Variants in EBF2 observed in about 807,000 individuals in gnomAD.
EBF2 encodes EBF transcription factor 2.
EBF2 carries 21 observed loss-of-function variants against 72.8 expected under a neutral mutation model. The ratio of observed to expected loss-of-function variants is 0.29; its 90% CI spans 0.20 to 0.42. The LOEUF (loss-of-function observed/expected upper bound fraction) is 0.42. Among genes scored for constraint, EBF2 ranks in the 10% least tolerant of loss-of-function variants. EBF2 has a pLI of 1.00. For synonymous variants in EBF2, 299 were observed against 274.2 expected (o/e 1.09, Z -0.89); for missense variants, 637 against 731.2 (o/e 0.87, Z 1.49).
In EBF2 at chr8:25,850,638, G is replaced by T; in HGVS notation, c.1652C>A (p.Ser551Tyr). Residue 551 changes from serine to tyrosine, a missense_variant, in exon 15 of 16, where the codon TCC (serine) becomes TAC (tyrosine). Transcript: ENST00000520164. The part of the protein sequence containing the change: ...AFAPVIRPQG[S>Y]PSPACSSGNG... ...GCCGCTGGAGCAGGCAGGTGAAGGG[G>T]AGCCTTGGGGCCTGATGACAGGGGC... 1 of 1,566,146 alleles carries T rather than the reference G, an allele frequency of 6.4e-7. No homozygotes were observed. Among genetic ancestry groups the T allele is most frequent in the East Asian group, 2.4e-5 (1 of 41,864 alleles).
chr8:26,023,394 A>G (rs1805235051), intron 6 of EBF2, among the ~76,000 whole-genome samples: 1 of 152,082 alleles, frequency 6.6e-6, no homozygotes, highest in African/African-American at 2.4e-5. Context: ...CTATTTAATC[A>G]CATCACACAA....
chr8:25,858,804 C>T (rs1802151629), intron 13 of EBF2, among the ~76,000 whole-genome samples: 1 of 151,708 alleles, frequency 6.6e-6, no homozygotes, highest in South Asian at 2.1e-4. Flanking sequence ...GGATTACAGG[C>T]ACCCTGCCAT....
At chr8:26,042,568 C>T (rs1346292155) in intron 1 of EBF2, among the ~76,000 whole-genome samples, 1 of 152,160 alleles carries the variant, frequency 6.6e-6, no homozygotes, top group East Asian at 1.9e-4. Flanking sequence ...GACAGAGGCC[C>T]AGAGTGGTCC....
At chr8:25,993,709 T>A (rs1013192182) in intron 6 of EBF2, among the ~76,000 whole-genome samples, 1 of 152,030 alleles carries the variant, frequency 6.6e-6, no homozygotes, top group East Asian at 1.9e-4. Flanking sequence ...GACAAAGGAA[T>A]GTAATAGAAG....
rs1801748816 is a variant in EBF2 at position 25,841,778 on chromosome 8, C to T, written c.*2831G>A. ...TGTTAGGATAATTTAAAGTTTAAAA[C>T]TGAAGTAGACATATTCATTTTACAA... On this transcript the variant is annotated 3_prime_UTR_variant, in exon 16 of 16. Coordinates refer to ENST00000520164, the MANE Select transcript of EBF2 (RefSeq NM_022659.4). 1 of 152,222 alleles carries T rather than the reference C, an allele frequency of 6.6e-6. No individual in the cohort carries two copies. Among genetic ancestry groups the T allele is most frequent in the Non-Finnish European group, 1.5e-5 (1 of 67,986 alleles). 9.4% of individuals were successfully genotyped at this position (152,222 alleles called of 1,614,324 possible).
At chr8:26,014,383 T>C (rs1246358846) in intron 6 of EBF2, among the ~76,000 whole-genome samples, 1 of 152,152 alleles carries the variant, frequency 6.6e-6, no homozygotes, top group African/African-American at 2.4e-5. Flanking sequence ...AGTATTAGTA[T>C]TATTTTGGTG....
intron 7 of EBF2, among the ~76,000 whole-genome samples, chr8:25,903,187 G>GA (rs1291526315): frequency 1.5e-5 from 2 of 132,526 alleles, no homozygotes; most frequent in Non-Finnish European, 3.2e-5. Flanking sequence ...TTTTGTCTGG[G>GA]TTTTTTTTTT....
chr8:26,002,188 G>A (rs951234942), intron 6 of EBF2, among the ~76,000 whole-genome samples: 18 of 152,156 alleles, frequency 1.2e-4, no homozygotes, highest in African/African-American at 3.9e-4. Context: ...CACTTCTGGG[G>A]CTGAGCTTGT....
At chr8:25,870,482 T>C (rs1802417509) in intron 10 of EBF2, among the ~76,000 whole-genome samples, 2 of 152,250 alleles carry the variant, frequency 1.3e-5, no homozygotes, top group Admixed American at 6.5e-5. Flanking sequence ...AAGAGCATTT[T>C]TGGGGGTCCA....
rs901096095 is a variant in EBF2 at position 26,044,624 on chromosome 8, G to A, written c.131+105C>T. 2.0e-6 allele frequency: 3 copies of A among 1,489,344 alleles called. No individual in the cohort carries two copies. The Admixed American group carries it at 5.9e-5, about 29-fold the overall frequency. The allele number at this position is 1,489,344 out of a possible 1,614,324, so 92.3% of individuals were successfully genotyped here. ...GCGCAGGGCCTGGGCGACAGATGGG[G>A]GGACAGGGAGAGAGAAAGGCACGGG... On this transcript the variant is annotated intron_variant, in intron 1 of 15. Coordinates refer to ENST00000520164, the MANE Select transcript of EBF2 (RefSeq NM_022659.4). The surrounding 1 kb of genome is among the most constrained non-coding windows in gnomAD (Gnocchi z 4.1).
chr8:25,933,924 T>C (rs1305974500), intron 6 of EBF2, among the ~76,000 whole-genome samples: 1 of 152,186 alleles, frequency 6.6e-6, no homozygotes, highest in Non-Finnish European at 1.5e-5. Flanking sequence ...TTTGTCCATA[T>C]TTTCTAAATT....
At chr8:25,955,485 A>G (rs1803931056) in intron 6 of EBF2, among the ~76,000 whole-genome samples, 1 of 152,164 alleles carries the variant, frequency 6.6e-6, no homozygotes, top group Non-Finnish European at 1.5e-5. Context: ...AACCTAATAG[A>G]GATTTTACCA....
At chr8:25,848,661 A>G (rs1801892784) in intron 15 of EBF2, among the ~76,000 whole-genome samples, 1 of 152,156 alleles carries the variant, frequency 6.6e-6, no homozygotes, top group Non-Finnish European at 1.5e-5. Flanking sequence ...GAGGTGGGGA[A>G]GGGGTGATCA....
At chr8:25,908,977 G>T (rs1157779312) in intron 6 of EBF2, among the ~76,000 whole-genome samples, 1 of 152,118 alleles carries the variant, frequency 6.6e-6, no homozygotes, top group Non-Finnish European at 1.5e-5. Context: ...CTCTCCACTG[G>T]CCCCAGACAC....
At position 26,044,347 on chromosome 8, in the gene EBF2, T is replaced by C. The variant is rs1056723269; in HGVS notation, c.131+382A>G. On this transcript the variant is annotated intron_variant, in intron 1 of 15. Coordinates refer to ENST00000520164, the MANE Select transcript of EBF2 (RefSeq NM_022659.4). This position sits in a 1 kb window ranked among gnomAD's most constrained non-coding sequence, Gnocchi z 4.1. ...CCAAGAGTGGCCAGGAAGCCGGCTT[T>C]CCTCCCGCGCCGCCACTGCCAGCGC... Among the ~76,000 whole-genome samples the C allele has an allele frequency of 3.3e-5, 5 of 152,224 alleles. No homozygotes were observed. The highest frequency in any genetic ancestry group is 7.3e-5 in the Non-Finnish European group (5 of 68,038).
chr8:26,034,841 A>T (rs1805471288), intron 5 of EBF2, among the ~76,000 whole-genome samples: 1 of 152,236 alleles, frequency 6.6e-6, no homozygotes, highest in Non-Finnish European at 1.5e-5. Context: ...GTTTTTCTGT[A>T]GCATAAGTTT....
intron 6 of EBF2, among the ~76,000 whole-genome samples, chr8:25,930,115 G>A (rs1239250914): frequency 6.6e-6 from 1 of 152,130 alleles, no homozygotes; most frequent in African/African-American, 2.4e-5. Flanking sequence ...ATCACGTTGT[G>A]GCAGGGACAC....
At chr8:25,898,853 C>T (rs1802900044) in intron 7 of EBF2, among the ~76,000 whole-genome samples, 1 of 152,156 alleles carries the variant, frequency 6.6e-6, no homozygotes, top group Non-Finnish European at 1.5e-5. Context: ...GAACACTTTG[C>T]TTTCCAGGAA....
chr8:25,893,336 C>T (rs534680039), intron 7 of EBF2, among the ~76,000 whole-genome samples: 6 of 135,110 alleles, frequency 4.4e-5, no homozygotes, highest in African/African-American at 1.8e-4. Flanking sequence ...GGCTGAAGTG[C>T]AGTGCAGTGG....
Sources: allele counts gnomAD v4.1 joint callset (sites outside exome capture counted in the v4.1 genomes callset), GRCh38; gene constraint gnomAD v4.1.1; non-coding constraint Gnocchi (gnomAD v3.1); transcripts MANE v1.5; gene names NCBI Gene and HGNC (gene_info 2026-07-23, HGNC 2026-07-21).